EML5: variants seen among roughly 807,000 people sequenced by gnomAD.
The protein encoded by EML5 is echinoderm microtubule-associated protein-like 5.
A neutral mutation model predicts 250.0 loss-of-function variants in EML5; 120 were observed. The observed-to-expected ratio is 0.48, with a 90% CI of 0.41 to 0.56. The LOEUF is 0.56. EML5 is among the 20% of genes least tolerant of loss of function. The pLI, the probability that EML5 is intolerant of heterozygous loss-of-function variation, is 0.00. For synonymous variants in EML5, 771 were observed against 806.5 expected, an observed-to-expected ratio of 0.96 and a Z score of 0.75; for missense variants, 2,006 against 2,437.6, an observed-to-expected ratio of 0.82 and a Z score of 3.73.
rs752877992 is a variant in EML5 at position 88,624,945 on chromosome 14, T to G, written c.4898+25A>C. ...CAGGTAGGTCACAAATGCATAAATATTCTGTGAAAAGAAAGAGGACTCACG... is the reference window on the plus strand; with the variant it reads ...CAGGTAGGTCACAAATGCATAAATAGTCTGTGAAAAGAAAGAGGACTCACG... On this transcript the variant is annotated intron_variant, in intron 36 of 43. Transcript: ENST00000554922. 1.9e-6 allele frequency: 3 copies of G among 1,611,374 alleles called. No individual in the cohort carries two copies. The South Asian group carries it at 3.3e-5, about 18-fold the overall frequency.
intron 8 of EML5, among the ~76,000 whole-genome samples, chr14:88,726,065 T>C (rs1477932259): frequency 2.0e-5 from 3 of 152,154 alleles, no homozygotes; most frequent in African/African-American, 7.2e-5. Flanking sequence ...CAACACAAAA[T>C]GTTAACTGCT....
intron 28 of EML5, among the ~76,000 whole-genome samples, chr14:88,648,305 T>G (rs1177487804): frequency 1.3e-5 from 2 of 152,082 alleles, no homozygotes; most frequent in African/African-American, 4.8e-5. Context: ...AAGATAACAA[T>G]GATATCTCCA....
intron 21 of EML5, among the ~76,000 whole-genome samples, chr14:88,672,889 TAATA>T (rs761893856): frequency 2.2e-4 from 33 of 152,162 alleles, no homozygotes; most frequent in Non-Finnish European, 4.3e-4. Context: ...ATTTAGGCAG[TAATA>T]AATAGTCTAC....
chr14:88,650,734 G>A (rs2091580276), intron 27 of EML5, among the ~76,000 whole-genome samples: 1 of 152,136 alleles, frequency 6.6e-6, no homozygotes, highest in African/African-American at 2.4e-5. Flanking sequence ...CAACTCCTGG[G>A]CTGAAGCAAT....
Position 88,792,464 on chromosome 14 carries a change from C to A in EML5, c.40G>T (p.Glu14Ter). The A allele has an allele frequency of 6.6e-7, 1 of 1,505,396 alleles. No homozygotes were observed. Among genetic ancestry groups the A allele is most frequent in the Non-Finnish European group, 8.9e-7 (1 of 1,125,090 alleles). 93.3% of individuals were successfully genotyped at this position (1,505,396 alleles called of 1,614,324 possible). ...RSAPSCHLRL[E>*]WVYGYRGHQC... is the part of the protein sequence containing the mutation. ...TGGCCCCGGTAGCCGTACACCCACT[C>A]GAGCCGCAGGTGGCAGCTCGGGGCG... Residue 14 changes from glutamate (E) to a stop codon, truncating the protein, a stop_gained, in exon 1 of 44, where the codon GAG becomes TAG. Coordinates refer to ENST00000554922, the MANE Select transcript of EML5 (RefSeq NM_183387.3). LOFTEE classifies it high-confidence loss of function. This position sits in a 1 kb window ranked among gnomAD's most constrained non-coding sequence, Gnocchi z 6.9.
chr14:88,751,525 G>GT (rs549447773), intron 2 of EML5, among the ~76,000 whole-genome samples: 40 of 150,952 alleles, frequency 2.6e-4, no homozygotes, highest in South Asian at 4.2e-4. Flanking sequence ...TTGTTTGTTG[G>GT]TTTTTTTTTG....
chr14:88,739,039 A>G (rs1203352402), intron 5 of EML5, 25 bp from the exon 6 acceptor site: 1 of 1,571,232 alleles, frequency 6.4e-7, no homozygotes, highest in Non-Finnish European at 8.6e-7. Flanking sequence ...AAAATAATTT[A>G]ACGACAAATA....
Position 88,792,491 on chromosome 14 carries a change from TCCGGGCCGCCATG to T in EML5, c.-1_12del, listed in dbSNP as rs2094620992. On this transcript the variant is annotated start_lost and 5_prime_UTR_variant, in exon 1 of 44. Coordinates refer to ENST00000554922, the MANE Select transcript of EML5 (RefSeq NM_183387.3). This position sits in a 1 kb window ranked among gnomAD's most constrained non-coding sequence, Gnocchi z 6.9. ...AGCCGCAGGTGGCAGCTCGGGGCGCTCCGGGCCGCCATGTCGGGGCGCCCACCCGCCGCTCCCG... is the reference window on the plus strand; with the variant it reads ...AGCCGCAGGTGGCAGCTCGGGGCGCTTCGGGGCGCCCACCCGCCGCTCCCG... The T allele has an allele frequency of 7.0e-7, 1 of 1,435,882 alleles. No individual in the cohort carries two copies. Among genetic ancestry groups the T allele is most frequent in the Non-Finnish European group, 9.2e-7 (1 of 1,086,134 alleles). The allele number at this position is 1,435,882 out of a possible 1,614,324, so 88.9% of individuals were successfully genotyped here.
intron 5 of EML5, among the ~76,000 whole-genome samples, chr14:88,739,376 G>C (rs1329890531): frequency 6.6e-6 from 1 of 152,116 alleles, no homozygotes; most frequent in Admixed American, 6.6e-5. Context: ...CAAGACTTGA[G>C]TATGTGTAGA....
In EML5 at chr14:88,664,578, A is replaced by C. The variant is rs1183329212; in HGVS notation, c.3324T>G (p.Asp1108Glu). The change falls in exon 23 of 44, where the codon GAT (aspartate) becomes GAG (glutamate). Residue 1108 changes from aspartate (D) to glutamate (E), a missense_variant. Around this residue, in one of 7 missense-constraint regions of EML5, gnomAD observed 1,375 missense variants for 1,590.3 expected, o/e 0.86. Coordinates refer to ENST00000554922, the MANE Select transcript of EML5 (RefSeq NM_183387.3). ...LAVASHDSFI[D>E]IYNVMSSKRV... ...GTTTACTACTCATTACATTGTATATATCTATAAAGCTGTCATGGGATGCTA... is the reference window on the plus strand; with the variant it reads ...GTTTACTACTCATTACATTGTATATCTCTATAAAGCTGTCATGGGATGCTA... 1 of 1,610,648 alleles carries C rather than the reference A, an allele frequency of 6.2e-7. No individual in the cohort carries two copies.
At chr14:88,689,895 C>T (rs960082376) in intron 17 of EML5, among the ~76,000 whole-genome samples, 40 of 152,106 alleles carry the variant, frequency 2.6e-4, no homozygotes, top group South Asian at 2.1e-4. Flanking sequence ...GTAAAATATA[C>T]TGTGCTAGAT....
chr14:88,712,620 T>C, intron 9 of EML5, 137 bp from the exon 10 acceptor site: 2 of 619,526 alleles, frequency 3.2e-6, no homozygotes, highest in Non-Finnish European at 5.5e-6. Flanking sequence ...CATAAATAGG[T>C]AGATAAGTTT....
At chr14:88,684,837 ATTTTTTCTGTATACGTTAAAAT>A (rs1329917420) in intron 20 of EML5, among the ~76,000 whole-genome samples, 156 bp downstream of exon 20, 2 of 151,748 alleles carry the variant, frequency 1.3e-5, no homozygotes, top group East Asian at 1.9e-4. Context: ...GTATACATTA[ATTTTTTCTGTATACGTTAAAAT>A]TTTTTTCTGT....
At chr14:88,756,245 C>CA (rs1231930495) in intron 1 of EML5, among the ~76,000 whole-genome samples, 2 of 151,662 alleles carry the variant, frequency 1.3e-5, no homozygotes, top group East Asian at 1.9e-4. Context: ...GAAGAAAGGT[C>CA]AAAAAAACTC....
intron 16 of EML5, 104 bp downstream of exon 16, chr14:88,695,257 A>C: frequency 3.8e-6 from 3 of 788,188 alleles, no homozygotes; most frequent in Non-Finnish European, 6.1e-6. Flanking sequence ...AAGCAATAAA[A>C]AGTTACATAT....
intron 21 of EML5, among the ~76,000 whole-genome samples, chr14:88,671,142 G>A (rs1302244816): frequency 1.3e-5 from 2 of 152,156 alleles, no homozygotes; most frequent in Non-Finnish European, 2.9e-5. Context: ...GGAAAAAAAT[G>A]TTAAGGGCAG....
chr14:88,618,815 G>A lies in EML5; in HGVS notation c.5376-3C>T. Reference sequence around the variant, plus strand: ...GATACCGGGAATCCGGACTAAATCTGAATCAAAACAAAACGTAAAAAGTAT... The same window carrying A: ...GATACCGGGAATCCGGACTAAATCTAAATCAAAACAAAACGTAAAAAGTAT... On this transcript the variant is annotated splice_polypyrimidine_tract_variant and splice_region_variant and intron_variant, in intron 39 of 43. Transcript: ENST00000554922. 6.4e-7 allele frequency: 1 copy of A among 1,570,344 alleles called. No individual in the cohort carries two copies. Among genetic ancestry groups the A allele is most frequent in the Non-Finnish European group, 8.6e-7 (1 of 1,157,288 alleles).
rs1165692452 is a variant in EML5 at position 88,716,455 on chromosome 14, T to TATCC, written c.1188-1264_1188-1261dup. 2.0e-5 allele frequency among the ~76,000 whole-genome samples: 3 copies of TATCC among 152,106 alleles called. No homozygotes were observed. In the East Asian group the frequency reaches 5.8e-4, roughly 29 times the overall value. ...ATATACCGTATTGCCCTTTGCTCCA[T>TATCC]ATCCATCCATCCATCCATTCCTCCC... On this transcript the variant is annotated intron_variant, in intron 8 of 43. Transcript: ENST00000554922.
intron 19 of EML5, among the ~76,000 whole-genome samples, 191 bp downstream of exon 19, chr14:88,687,025 T>C (rs1203025903): frequency 6.6e-6 from 1 of 152,224 alleles, no homozygotes; most frequent in African/African-American, 2.4e-5. Flanking sequence ...TTACCATGTG[T>C]ATCATAGAAA....
Sources: allele counts gnomAD v4.1 joint callset (sites outside exome capture counted in the v4.1 genomes callset), GRCh38; gene constraint gnomAD v4.1.1; regional missense constraint gnomAD v4.1.1; non-coding constraint Gnocchi (gnomAD v3.1); transcripts MANE v1.5; gene names NCBI Gene and HGNC (gene_info 2026-07-23, HGNC 2026-07-21).